ERAP2: variants seen among roughly 807,000 people sequenced by gnomAD.
The protein encoded by ERAP2 is endoplasmic reticulum aminopeptidase 2, also known as leukocyte-derived arginine aminopeptidase.
Under a neutral mutation model 111.1 loss-of-function variants are expected in ERAP2, and 118 were observed. The ratio of observed to expected loss-of-function variants is 1.06; its 90% CI spans 0.92 to 1.24. The LOEUF (loss-of-function observed/expected upper bound fraction) is 1.24. Among genes scored for constraint, ERAP2 ranks in the 50% most tolerant of loss-of-function variants. ERAP2 has a pLI of 0.00. For missense variants in ERAP2, 1,131 were observed against 1,125.8 expected (o/e 1.00, Z -0.07); for synonymous variants, 410 against 401.2 (o/e 1.02, Z -0.26).
upstream of ERAP2, chr5:96,876,000 G>A (rs143715161): frequency 6.6e-6 from 1 of 152,420 alleles, no homozygotes; most frequent in Admixed American, 6.5e-5. Flanking sequence ...CAGTCCCCTC[G>A]TGCCCAAGGA....
intron 17 of ERAP2, among the ~76,000 whole-genome samples, chr5:96,914,029 G>C (rs1320547182): frequency 6.6e-6 from 1 of 152,082 alleles, no homozygotes; most frequent in Non-Finnish European, 1.5e-5. Context: ...GAGAACTGGA[G>C]CTCATTTCAA....
chr5:96,898,014 C>A (rs867918588), intron 9 of ERAP2, among the ~76,000 whole-genome samples: 1 of 152,072 alleles, frequency 6.6e-6, no homozygotes, highest in Non-Finnish European at 1.5e-5. Flanking sequence ...CTGGCCAATT[C>A]GTGGAACCCC....
chr5:96,890,396 G>A (rs903335898), intron 5 of ERAP2, among the ~76,000 whole-genome samples: 9 of 152,276 alleles, frequency 5.9e-5, no homozygotes, highest in Middle Eastern at 3.4e-3. Context: ...GGCAGGAGGC[G>A]GAGCTCAGGC....
chr5:96,909,197 A>G (rs913309362), intron 14 of ERAP2, 80 bp downstream of exon 14: 3 of 1,419,420 alleles, frequency 2.1e-6, no homozygotes, highest in African/African-American at 1.4e-5. Flanking sequence ...GTTTTGTGTG[A>G]AGTCCTTGAG....
chr5:96,911,191 G>GA (rs1172727813), intron 15 of ERAP2, among the ~76,000 whole-genome samples: 2 of 152,120 alleles, frequency 1.3e-5, no homozygotes, highest in Non-Finnish European at 2.9e-5. Flanking sequence ...AAAAAAATCA[G>GA]GATAATAACT....
chr5:96,894,754 T>C (rs1784698582), intron 6 of ERAP2, among the ~76,000 whole-genome samples: 1 of 152,140 alleles, frequency 6.6e-6, no homozygotes, highest in Non-Finnish European at 1.5e-5. Flanking sequence ...TAATATTATA[T>C]AACAACCTGA....
At chr5:96,895,801 G>C (rs561574883) in intron 7 of ERAP2, among the ~76,000 whole-genome samples, 1 of 152,114 alleles carries the variant, frequency 6.6e-6, no homozygotes, top group Non-Finnish European at 1.5e-5. Flanking sequence ...CTTCAGGTAC[G>C]TCTTTTTTAA....
At chr5:96,912,188 CAA>C (rs1266993157) in intron 15 of ERAP2, among the ~76,000 whole-genome samples, 5 of 84,268 alleles carry the variant, frequency 5.9e-5, no homozygotes, top group Non-Finnish European at 4.8e-5. Flanking sequence ...GACTCCACCT[CAA>C]AAAAAAAAAA....
In ERAP2 at chr5:96,918,850, C is replaced by T. The variant is rs889050003; in HGVS notation, c.*1245C>T. On this transcript the variant is annotated 3_prime_UTR_variant, in exon 19 of 19. Coordinates refer to ENST00000437043, the MANE Select transcript of ERAP2 (RefSeq NM_022350.5). ...AGATGCAGCACCATATTTTATAACCCAGCTTTAGCATTTCTTCATATTTTA... is the reference window on the plus strand; with the variant it reads ...AGATGCAGCACCATATTTTATAACCTAGCTTTAGCATTTCTTCATATTTTA... 6.6e-6 allele frequency: 1 copy of T among 152,160 alleles called. No homozygotes were observed. Among genetic ancestry groups the T allele is most frequent in the Non-Finnish European group, 1.5e-5 (1 of 68,024 alleles). 9.4% of individuals were successfully genotyped at this position (152,160 alleles called of 1,614,324 possible). A position where few individuals can be genotyped will look rare whatever the true frequency, so the allele number is the denominator to read the frequency against.
At chr5:96,888,785 G>A (rs1462316295) in intron 4 of ERAP2, among the ~76,000 whole-genome samples, 3 of 152,146 alleles carry the variant, frequency 2.0e-5, no homozygotes, top group African/African-American at 7.2e-5. Flanking sequence ...TCCCACATAG[G>A]TCTAGAAGAA....
At position 96,895,323 on chromosome 5, in the gene ERAP2, T is replaced by G; in HGVS notation, c.1203T>G (p.Leu401=). 2 of 1,612,476 alleles carry G rather than the reference T, an allele frequency of 1.2e-6. No individual in the cohort carries two copies. The highest frequency in any genetic ancestry group is 1.7e-6 in the Non-Finnish European group (2 of 1,178,880). The change falls in exon 7 of 19, where the codon CTT becomes CTG. Residue 401 remains leucine (L), a synonymous_variant. Coordinates refer to ENST00000437043, the MANE Select transcript of ERAP2 (RefSeq NM_022350.5). ...LKEGFAKYME[L]IAVNATYPEL... ...AGGGTTTTGCAAAATACATGGAACTTATCGCTGTTAATGCTACATATCCAG... is the reference window on the plus strand; with the variant it reads ...AGGGTTTTGCAAAATACATGGAACTGATCGCTGTTAATGCTACATATCCAG...
intron 1 of ERAP2, among the ~76,000 whole-genome samples, chr5:96,877,979 AAAG>A (rs1416031513): frequency 6.6e-6 from 1 of 152,240 alleles, no homozygotes; most frequent in Non-Finnish European, 1.5e-5. Context: ...AGGATTATAA[AAAG>A]AAGAAGTAGC....
chr5:96,895,597 C>G (rs1038877634), intron 7 of ERAP2, among the ~76,000 whole-genome samples: 3 of 152,148 alleles, frequency 2.0e-5, no homozygotes, highest in African/African-American at 7.2e-5. Context: ...CAAACTAATA[C>G]AAATGTAGAA....
chr5:96,882,273 A>G (rs1299217559), intron 2 of ERAP2, among the ~76,000 whole-genome samples: 1 of 152,220 alleles, frequency 6.6e-6, no homozygotes, highest in Non-Finnish European at 1.5e-5. Context: ...CATCCAAAGG[A>G]CATATATCTT....
intron 16 of ERAP2, 94 bp downstream of exon 16, chr5:96,912,892 GAT>G: frequency 1.0e-6 from 1 of 992,690 alleles, no homozygotes; most frequent in South Asian, 1.5e-5. Context: ...AAAGGCATAA[GAT>G]AATTGAATCA....
At chr5:96,901,331 C>T (rs915846215) in intron 10 of ERAP2, among the ~76,000 whole-genome samples, 175 bp from the exon 11 acceptor site, 1 of 152,132 alleles carries the variant, frequency 6.6e-6, no homozygotes, top group African/African-American at 2.4e-5. Context: ...CAGAGAGCAG[C>T]CCTGGGATAG....
intron 3 of ERAP2, among the ~76,000 whole-genome samples, chr5:96,884,727 T>C (rs1014502176): frequency 7.3e-5 from 11 of 151,574 alleles, no homozygotes; most frequent in Admixed American, 7.2e-4. Context: ...CTGACTAACT[T>C]TTTTTGTATT....
At chr5:96,883,636 T>C (rs1021867571) in intron 2 of ERAP2, among the ~76,000 whole-genome samples, 156 bp from the exon 3 acceptor site, 1 of 152,210 alleles carries the variant, frequency 6.6e-6, no homozygotes, top group African/African-American at 2.4e-5. Flanking sequence ...TTTACCTTCA[T>C]TTTCCTCAAA....
chr5:96,909,457 T>C, intron 14 of ERAP2, 123 bp from the exon 15 acceptor site: 2 of 761,864 alleles, frequency 2.6e-6, no homozygotes, highest in Non-Finnish European at 4.4e-6. Flanking sequence ...AATACGAAGA[T>C]ACACTGTTTG....
Sources: allele counts gnomAD v4.1 joint callset (sites outside exome capture counted in the v4.1 genomes callset), GRCh38; gene constraint gnomAD v4.1.1; transcripts MANE v1.5; gene names NCBI Gene and HGNC (gene_info 2026-07-23, HGNC 2026-07-21).